Variants in TTLL10 observed in about 807,000 individuals in gnomAD.
TTLL10 encodes the protein tubulin tyrosine ligase like 10.
TTLL10 carries 61 observed loss-of-function variants against 69.0 expected under a neutral mutation model. That is an observed-to-expected ratio of 0.88 (90% CI 0.72 to 1.09). The LOEUF (loss-of-function observed/expected upper bound fraction) is 1.09. Among genes scored for constraint, TTLL10 ranks in the 50% least tolerant of loss-of-function variants. The pLI, the probability that TTLL10 is intolerant of heterozygous loss-of-function variation, is 0.00. For synonymous variants in TTLL10, 408 were observed against 393.3 expected, an observed-to-expected ratio of 1.04 and a Z score of -0.44; for missense variants, 962 against 945.9, an observed-to-expected ratio of 1.02 and a Z score of -0.22.
At chr1:1,187,362 ACTCAC>A in intron 13 of TTLL10, among the ~76,000 whole-genome samples, 1 of 152,038 alleles carries the variant, frequency 6.6e-6, no homozygotes, top group Middle Eastern at 3.4e-3. Context: ...AGGTGCGGTG[ACTCAC>A]GCCTGTAATC....
In TTLL10 at chr1:1,182,991, C is replaced by G. The variant is rs906807331; in HGVS notation, c.1032C>G (p.Asp344Glu). ...AGGCCAAGACCCGGAGCATGGAGGA[C>G]GACCCCATCCACCACAAGACGCCGT... ...ALQAKTRSMEDDPIHHKTPFR... is the reference protein window; with the variant it reads ...ALQAKTRSMEEDPIHHKTPFR... Residue 344 changes from aspartate to glutamate, a missense_variant, in exon 11 of 16, where the codon GAC (aspartate) becomes GAG (glutamate). Transcript: ENST00000379289. The G allele has an allele frequency of 6.2e-7, 1 of 1,609,642 alleles. No homozygotes were observed.
chr1:1,197,182 C>G lies in TTLL10; in HGVS notation c.1608C>G (p.Thr536=), dbSNP rs774227843. The change falls in exon 15 of 16, where the codon ACC becomes ACG. Residue 536 remains threonine (T), a synonymous_variant. Coordinates refer to ENST00000379289, the MANE Select transcript of TTLL10 (RefSeq NM_001130045.2). ...KEVIPGVVIE[T]LDLVLETFRK... ...TCATCCCAGGTGTGGTCATCGAGAC[C>G]CTGGGTGAGCCTCCAAGCCCCCACC... 5.0e-5 allele frequency: 78 copies of G among 1,549,634 alleles called. No individual in the cohort carries two copies. The highest frequency in any genetic ancestry group is 6.8e-5 in the Non-Finnish European group (78 of 1,146,614).
chr1:1,179,971 C>T lies in TTLL10; in HGVS notation c.200-63C>T, dbSNP rs1463362135. On this transcript the variant is annotated intron_variant, in intron 5 of 15. Transcript: ENST00000379289. ...ATGGGCTGGGAGCAAACTGGCTGAG[C>T]CATGTCCGGGCTGAGTGGGCAGCTC... 4.1e-6 allele frequency: 6 copies of T among 1,455,254 alleles called. No homozygotes were observed. The African/African-American group carries it at 4.3e-5, about 10-fold the overall frequency. 90.1% of individuals were successfully genotyped at this position (1,455,254 alleles called of 1,614,324 possible). A position where few individuals can be genotyped will look rare whatever the true frequency, so the allele number is the denominator to read the frequency against.
chr1:1,191,170 C>T (rs1231744704), intron 13 of TTLL10, among the ~76,000 whole-genome samples: 1 of 152,196 alleles, frequency 6.6e-6, no homozygotes, highest in African/African-American at 2.4e-5. Context: ...CCATTGGTTG[C>T]TTAAGGGCCT....
Position 1,185,464 on chromosome 1 carries a change from GC to G in TTLL10, c.1401+360del. 4 of 1,086,386 alleles carry G rather than the reference GC, an allele frequency of 3.7e-6. No individual in the cohort carries two copies. The highest frequency in any genetic ancestry group is 5.1e-5 in the Admixed American group (1 of 19,656). The allele number at this position is 1,086,386 out of a possible 1,614,324, so 67.3% of individuals were successfully genotyped here. A position where few individuals can be genotyped will look rare whatever the true frequency, so the allele number is the denominator to read the frequency against. On this transcript the variant is annotated intron_variant, in intron 13 of 15. Transcript: ENST00000379289. This position sits in a 1 kb window ranked among gnomAD's most constrained non-coding sequence, Gnocchi z 6.1. Reference sequence around the variant, plus strand: ...CACTTGGCAGGCAGGGCCAACAGCAGCCCCCGGGCCAGGTGTCCTGGAGCAG... The same window carrying G: ...CACTTGGCAGGCAGGGCCAACAGCAGCCCCGGGCCAGGTGTCCTGGAGCAG...
At chr1:1,177,814 A>G (rs1458197528) in intron 3 of TTLL10, among the ~76,000 whole-genome samples, 1 of 152,174 alleles carries the variant, frequency 6.6e-6, no homozygotes, top group African/African-American at 2.4e-5. Flanking sequence ...GTGCCTGCGC[A>G]GGGTCCAGCC....
At chr1:1,176,143 G>C (rs1234809071) in intron 3 of TTLL10, 10 of 449,604 alleles carry the variant, frequency 2.2e-5, no homozygotes, top group Non-Finnish European at 3.5e-5. Context: ...CTGACGCTGT[G>C]CAGGTGGAGA....
chr1:1,175,452 C>T, intron 3 of TTLL10: 1 of 356,430 alleles, frequency 2.8e-6, no homozygotes, highest in African/African-American at 2.1e-5. Flanking sequence ...ACACGCTGCC[C>T]TGTCCATATC....
chr1:1,194,684 C>T (rs561906151), intron 13 of TTLL10, among the ~76,000 whole-genome samples: 141 of 152,342 alleles, frequency 9.3e-4, no homozygotes, highest in African/African-American at 3.2e-3. Context: ...GGCTGTTCAT[C>T]TTTCTGTGGA....
At chr1:1,179,138 C>T (rs565046422) in intron 3 of TTLL10, 51 bp from the exon 4 acceptor site, 23 of 1,289,336 alleles carry the variant, frequency 1.8e-5, no homozygotes, top group Admixed American at 1.3e-4. Flanking sequence ...ACTGGGGCCT[C>T]GGGCCGCGCG....
chr1:1,192,036 T>G (rs751896318), intron 13 of TTLL10, among the ~76,000 whole-genome samples: 1 of 152,268 alleles, frequency 6.6e-6, no homozygotes, highest in Non-Finnish European at 1.5e-5. Flanking sequence ...GTCACAGTGC[T>G]GCAGAGATTT....
chr1:1,180,140 G>A lies in TTLL10; in HGVS notation c.306G>A (p.Glu102=). 2 of 1,611,270 alleles carry A rather than the reference G, an allele frequency of 1.2e-6. No homozygotes were observed. The highest frequency in any genetic ancestry group is 1.7e-6 in the Non-Finnish European group (2 of 1,179,408). ...ATGGACACTGTGGGCCGGACCTGGA[G>A]GGGGCAGAAAGAGCCTCTGCCACAC... is the stretch of plus-strand genomic sequence containing the variant. ...DADGHCGPDL[E]GAERASATPG... is the part of the protein sequence containing the mutation. The change falls in exon 6 of 16, where the codon GAG becomes GAA. Residue 102 remains glutamate (E), a synonymous_variant. Coordinates refer to ENST00000379289, the MANE Select transcript of TTLL10 (RefSeq NM_001130045.2).
intron 13 of TTLL10, among the ~76,000 whole-genome samples, chr1:1,195,229 G>A (rs779599755): frequency 9.9e-5 from 15 of 152,088 alleles, no homozygotes; most frequent in African/African-American, 1.9e-4. Flanking sequence ...GACCTCAAGC[G>A]ATCCCCCTGC....
rs372994643 is a variant in TTLL10 at position 1,189,893 on chromosome 1, A to G, written c.1401+4784A>G. 3.7e-4 allele frequency among the ~76,000 whole-genome samples: 56 copies of G among 152,214 alleles called. No individual in the cohort carries two copies. The South Asian group carries it at 0.011, about 29-fold the overall frequency. On this transcript the variant is annotated intron_variant, in intron 13 of 15. Coordinates refer to ENST00000379289, the MANE Select transcript of TTLL10 (RefSeq NM_001130045.2). ...TTTGGGAGGCCGAGGAAGGTGGATC[A>G]TGAGGTCAGGAGATCGAGACCATCC...
At chr1:1,191,555 G>T (rs1010277219) in intron 13 of TTLL10, among the ~76,000 whole-genome samples, 1 of 152,192 alleles carries the variant, frequency 6.6e-6, no homozygotes. Flanking sequence ...GGAGAAGGAG[G>T]TGTATCCTGT....
Position 1,197,426 on chromosome 1 carries a change from C to T in TTLL10, c.1613-12C>T, listed in dbSNP as rs914440342. The T allele has an allele frequency of 4.6e-6, 7 of 1,519,126 alleles. No individual in the cohort carries two copies. In the Admixed American group the frequency reaches 6.3e-5, roughly 14 times the overall value. 94.1% of individuals were successfully genotyped at this position (1,519,126 alleles called of 1,614,324 possible). On this transcript the variant is annotated splice_polypyrimidine_tract_variant and intron_variant, in intron 15 of 15. Transcript: ENST00000379289. ...TGCCCCCCACTCACCCTCTCTCCCC[C>T]ACCCGCACCAGACCTGGTGCTCGAG... is the stretch of plus-strand genomic sequence containing the variant.
At position 1,185,509 on chromosome 1, in the gene TTLL10, G is replaced by A; in HGVS notation, c.1401+400G>A. ...GGAGCAGCAGCAGCTGCCCGTGCAGGCCCGGACTCTCCCTAGCTAAGGGCC... is the reference window on the plus strand; with the variant it reads ...GGAGCAGCAGCAGCTGCCCGTGCAGACCCGGACTCTCCCTAGCTAAGGGCC... On this transcript the variant is annotated intron_variant, in intron 13 of 15. Coordinates refer to ENST00000379289, the MANE Select transcript of TTLL10 (RefSeq NM_001130045.2). This position sits in a 1 kb window ranked among gnomAD's most constrained non-coding sequence, Gnocchi z 6.1. The A allele has an allele frequency of 9.5e-7, 1 of 1,053,656 alleles. No homozygotes were observed. 65.3% of individuals were successfully genotyped at this position (1,053,656 alleles called of 1,614,324 possible).
In TTLL10 at chr1:1,181,673, A is replaced by T; in HGVS notation, c.756-68A>T. ...ACTCACCACCCATGCCCCATCCCCC[A>T]GTCCCCACCCGCTCCAAGCACCATG... is the stretch of plus-strand genomic sequence containing the variant. On this transcript the variant is annotated intron_variant, in intron 8 of 15. Transcript: ENST00000379289. This position sits in a 1 kb window ranked among gnomAD's most constrained non-coding sequence, Gnocchi z 4.6. 1 of 1,432,008 alleles carries T rather than the reference A, an allele frequency of 7.0e-7. No individual in the cohort carries two copies. 88.7% of individuals were successfully genotyped at this position (1,432,008 alleles called of 1,614,324 possible). A position where few individuals can be genotyped will look rare whatever the true frequency, so the allele number is the denominator to read the frequency against.
chr1:1,195,796 C>G (rs751449212), intron 13 of TTLL10, among the ~76,000 whole-genome samples: 1 of 151,928 alleles, frequency 6.6e-6, no homozygotes, highest in Non-Finnish European at 1.5e-5. Context: ...TACACCACCA[C>G]GCTTAGCTAA....
Sources: gnomAD v4.1 joint callset for allele counts (sites outside exome capture counted in the v4.1 genomes callset) on GRCh38, gnomAD v4.1.1 for gene constraint, Gnocchi (gnomAD v3.1) non-coding constraint, MANE v1.5 for transcripts, NCBI Gene and HGNC (gene_info 2026-07-23, HGNC 2026-07-21) for gene names.